The following ADGRG7 variants were observed in gnomAD, a reference collection of about 807,000 sequenced individuals.
The protein encoded by ADGRG7 is adhesion G protein-coupled receptor G7, also known as G-protein coupled receptor 128.
Under a neutral mutation model 88.6 loss-of-function variants are expected in ADGRG7, and 82 were observed. That is an observed-to-expected ratio of 0.93 (90% CI 0.77 to 1.11). The LOEUF (loss-of-function observed/expected upper bound fraction) is 1.11, where lower values mean the gene tolerates loss of function less well. Among genes scored for constraint, ADGRG7 ranks in the 50% most tolerant of loss-of-function variants. ADGRG7 has a pLI of 0.00. For synonymous variants in ADGRG7, 381 were observed against 345.2 expected (o/e 1.10, Z -1.15); for missense variants, 945 against 953.4 (o/e 0.99, Z 0.12).
chr3:100,677,038 A>C (rs1259978667), intron 15 of ADGRG7, among the ~76,000 whole-genome samples: 1 of 151,890 alleles, frequency 6.6e-6, no homozygotes, highest in South Asian at 2.1e-4. Flanking sequence ...TTTTTCCTTC[A>C]TTCAGCCACT....
intron 14 of ADGRG7, among the ~76,000 whole-genome samples, chr3:100,667,287 G>A (rs535135486): frequency 2.8e-4 from 42 of 152,038 alleles, no homozygotes; most frequent in East Asian, 3.9e-4. Flanking sequence ...CCATTAATCC[G>A]TCACCTACAT....
At chr3:100,689,471 G>T (rs966807981) in intron 15 of ADGRG7, among the ~76,000 whole-genome samples, 1 of 152,132 alleles carries the variant, frequency 6.6e-6, no homozygotes, top group Non-Finnish European at 1.5e-5. Context: ...TCCTAGCCTC[G>T]ATGGTCTTTA....
intron 2 of ADGRG7, 53 bp downstream of exon 2, chr3:100,629,764 A>G: frequency 8.5e-7 from 1 of 1,181,598 alleles, no homozygotes; most frequent in Non-Finnish European, 1.3e-6. Flanking sequence ...CTCTTGTGTT[A>G]ATAAGAATAG....
At chr3:100,669,526 T>G (rs1346595455) in intron 15 of ADGRG7, among the ~76,000 whole-genome samples, 1 of 81,214 alleles carries the variant, frequency 1.2e-5, no homozygotes, top group Non-Finnish European at 2.2e-5. Flanking sequence ...AGAGTGAGAC[T>G]CCATCTCAAA....
At position 100,649,721 on chromosome 3, in the gene ADGRG7, C is replaced by T; in HGVS notation, c.1293C>T (p.Pro431=). ...CTTTCAAAAAGGATTATCAATATCC[C>T]AAATCACTTGACATATTATCCAACG... ...LMTFKKDYQY[P]KSLDILSNVG... The change falls in exon 11 of 16, where the codon CCC becomes CCT. Residue 431 remains proline, a synonymous_variant. Coordinates refer to ENST00000273352, the MANE Select transcript of ADGRG7 (RefSeq NM_032787.3). The T allele has an allele frequency of 6.2e-7, 1 of 1,605,740 alleles. No individual in the cohort carries two copies. Among genetic ancestry groups the T allele is most frequent in the African/African-American group, 1.3e-5 (1 of 74,830 alleles).
intron 6 of ADGRG7, among the ~76,000 whole-genome samples, chr3:100,642,417 T>C (rs1707656364): frequency 6.6e-6 from 1 of 152,250 alleles, no homozygotes; most frequent in Middle Eastern, 3.2e-3. Context: ...TCAATTATTG[T>C]AAACTTTCTT....
At chr3:100,633,408 GGAA>G (rs756584697) in intron 4 of ADGRG7, 31 bp downstream of exon 4, 9 of 1,259,278 alleles carry the variant, frequency 7.1e-6, no homozygotes, top group Non-Finnish European at 1.0e-5. Context: ...ATGGGCAACT[GGAA>G]GAAGTTCTGA....
intron 14 of ADGRG7, among the ~76,000 whole-genome samples, chr3:100,663,628 C>A (rs1000665621): frequency 6.6e-6 from 1 of 151,956 alleles, no homozygotes; most frequent in Non-Finnish European, 1.5e-5. Flanking sequence ...TCCATCTTTA[C>A]TTCTCACAGA....
At chr3:100,645,468 C>T (rs1707727800) in intron 8 of ADGRG7, among the ~76,000 whole-genome samples, 2 of 152,218 alleles carry the variant, frequency 1.3e-5, no homozygotes, top group Admixed American at 1.3e-4. Context: ...TGACTTAACA[C>T]CACTTGTCCC....
chr3:100,658,045 C>A (rs2094939971), intron 13 of ADGRG7, among the ~76,000 whole-genome samples: 1 of 152,132 alleles, frequency 6.6e-6, no homozygotes, highest in Admixed American at 6.5e-5. Context: ...AATGGCCTAC[C>A]TGACACCTCC....
chr3:100,669,048 T>C lies in ADGRG7; in HGVS notation c.2079T>C (p.Asn693=), dbSNP rs374830639. The part of the protein sequence containing the change: ...TWILAYLMLV[N]DDSIRIVFSY... ...TTCTAGCATACCTGATGCTAGTTAATGATGATAGCATCAGGATCGTCTTCA... is the reference window on the plus strand; with the variant it reads ...TTCTAGCATACCTGATGCTAGTTAACGATGATAGCATCAGGATCGTCTTCA... Residue 693 remains asparagine (N), a synonymous_variant, in exon 15 of 16, where the codon AAT becomes AAC. Transcript: ENST00000273352. 24 of 1,603,996 alleles carry C rather than the reference T, an allele frequency of 1.5e-5. No homozygotes were observed. In the African/African-American group the frequency reaches 1.6e-4, roughly 11 times the overall value.
At chr3:100,646,263 A>T in intron 9 of ADGRG7, 155 bp downstream of exon 9, 1 of 678,482 alleles carries the variant, frequency 1.5e-6, no homozygotes, top group Non-Finnish European at 2.4e-6. Context: ...AATTCAGACC[A>T]CTCTTGAATA....
rs549184412 is a variant in ADGRG7, at chr3:100,655,670, A to C, written c.1727-229A>C. 1.6e-3 allele frequency among the ~76,000 whole-genome samples: 241 copies of C among 152,334 alleles called. No homozygotes were observed. In the Middle Eastern group the frequency reaches 0.027, roughly 17 times the overall value. On this transcript the variant is annotated intron_variant, in intron 12 of 15. Transcript: ENST00000273352. The stretch of plus-strand genomic sequence containing the variant: ...CAATTCTGGTAAGAGTTACAAAGAA[A>C]CTGGAAATAGGATTGATATGTAGAG...
chr3:100,668,533 A>C (rs2149034627), intron 14 of ADGRG7, among the ~76,000 whole-genome samples: 1 of 152,346 alleles, frequency 6.6e-6, no homozygotes, highest in South Asian at 2.1e-4. Context: ...AAGAGGAAGA[A>C]GATCACTCTG....
At chr3:100,610,661 C>G (rs748325296) in intron 1 of ADGRG7, among the ~76,000 whole-genome samples, 1 of 152,172 alleles carries the variant, frequency 6.6e-6, no homozygotes, top group African/African-American at 2.4e-5. Context: ...GAACTCAGAA[C>G]GCGAAATTTC....
chr3:100,637,068 G>A (rs1260300672), intron 5 of ADGRG7, among the ~76,000 whole-genome samples: 1 of 152,010 alleles, frequency 6.6e-6, no homozygotes, highest in African/African-American at 2.4e-5. Flanking sequence ...TCGAATTCAG[G>A]GACTTAAACC....
intron 14 of ADGRG7, among the ~76,000 whole-genome samples, chr3:100,663,990 A>C (rs899914442): frequency 6.6e-6 from 1 of 152,068 alleles, no homozygotes; most frequent in African/African-American, 2.4e-5. Context: ...CAAAGTTTTA[A>C]GTTAATTTTT....
chr3:100,643,225 G>A (rs774536133), intron 6 of ADGRG7, 41 bp from the exon 7 acceptor site: 4 of 1,577,774 alleles, frequency 2.5e-6, no homozygotes, highest in Non-Finnish European at 3.5e-6. Context: ...TTCATTTTAT[G>A]ACAAAATCTT....
chr3:100,615,530 T>A (rs904060585), intron 1 of ADGRG7, among the ~76,000 whole-genome samples: 1 of 152,184 alleles, frequency 6.6e-6, no homozygotes, highest in Non-Finnish European at 1.5e-5. Flanking sequence ...TTGGGTACCT[T>A]CTATTCAATG....
Sources: gnomAD v4.1 joint callset for allele counts (sites outside exome capture counted in the v4.1 genomes callset) on GRCh38, gnomAD v4.1.1 for gene constraint, MANE v1.5 for transcripts, NCBI Gene and HGNC (gene_info 2026-07-23, HGNC 2026-07-21) for gene names.